Variants in ARFGAP3 observed in about 807,000 individuals in gnomAD.
ARFGAP3 encodes ARF GTPase activating protein 3, also known as ADP-ribosylation factor GTPase-activating protein 3.
Under a neutral mutation model 75.0 loss-of-function variants are expected in ARFGAP3, and 72 were observed. That is an observed-to-expected ratio of 0.96 (90% CI 0.79 to 1.17). The LOEUF (loss-of-function observed/expected upper bound fraction) is 1.17. Ranked by LOEUF, ARFGAP3 falls within the 50% of genes most tolerant of loss-of-function variation. ARFGAP3 has a pLI of 0.00. For missense variants in ARFGAP3, 620 were observed against 626.6 expected (o/e 0.99, Z 0.11); for synonymous variants, 221 against 217.9 (o/e 1.01, Z -0.13).
In ARFGAP3 at chr22:42,817,736, A is replaced by G; in HGVS notation, c.934T>C (p.Cys312Arg). The G allele has an allele frequency of 6.2e-7, 1 of 1,612,082 alleles. No homozygotes were observed. Among genetic ancestry groups the G allele is most frequent in the East Asian group, 2.2e-5 (1 of 44,780 alleles). ...SDRLGMGFGN[C>R]RSVISHSVTS... ...GAAAGCAGTCTCACATACCTTCTGC[A>G]ATTTCCAAATCCCATGCCGAGTCTG... is the stretch of plus-strand genomic sequence containing the variant. Residue 312 changes from cysteine (C) to arginine (R), a missense_variant, in exon 10 of 16, where the codon TGC becomes CGC. Physicochemically the swap from Cys to Arg is radical, Grantham distance 180. Transcript: ENST00000263245.
chr22:42,840,343 A>G (rs1926724200), intron 3 of ARFGAP3, among the ~76,000 whole-genome samples: 1 of 152,050 alleles, frequency 6.6e-6, no homozygotes, highest in African/African-American at 2.4e-5. Flanking sequence ...GGTCTGTCCA[A>G]CTCCAAAACC....
chr22:42,801,138 G>A (rs1454138578), intron 14 of ARFGAP3, among the ~76,000 whole-genome samples: 1 of 152,200 alleles, frequency 6.6e-6, no homozygotes, highest in Non-Finnish European at 1.5e-5. Context: ...CTGAGCATGA[G>A]GAGGCGGCAG....
At chr22:42,826,861 G>A in intron 7 of ARFGAP3, 79 bp downstream of exon 7, 1 of 1,300,842 alleles carries the variant, frequency 7.7e-7, no homozygotes, top group South Asian at 1.3e-5. Context: ...GAGATGCCCA[G>A]GCCAAATGCA....
At chr22:42,803,769 G>T (rs549436771) in intron 14 of ARFGAP3, among the ~76,000 whole-genome samples, 1 of 152,176 alleles carries the variant, frequency 6.6e-6, no homozygotes, top group Middle Eastern at 3.2e-3. Context: ...AAGAACGGCC[G>T]CAGGTCTCCT....
At chr22:42,855,674 C>T (rs560508677) in intron 1 of ARFGAP3, among the ~76,000 whole-genome samples, 4 of 149,854 alleles carry the variant, frequency 2.7e-5, no homozygotes, top group Non-Finnish European at 5.9e-5. Flanking sequence ...CAGAGCAAGG[C>T]TCTGTCTCAA....
chr22:42,831,820 T>A, intron 5 of ARFGAP3, 184 bp from the exon 6 acceptor site: 16 of 875,848 alleles, frequency 1.8e-5, no homozygotes, highest in Non-Finnish European at 2.2e-5. Flanking sequence ...TCTTGCTCTG[T>A]TGCCCAGGCT....
At chr22:42,837,716 T>A in intron 3 of ARFGAP3, among the ~76,000 whole-genome samples, 1 of 136,016 alleles carries the variant, frequency 7.4e-6, no homozygotes, top group South Asian at 2.4e-4. Context: ...CTTGCTTGAT[T>A]ACCCAGGCTG....
intron 1 of ARFGAP3, among the ~76,000 whole-genome samples, chr22:42,851,561 T>C (rs1409505701): frequency 1.3e-5 from 2 of 152,080 alleles, no homozygotes; most frequent in South Asian, 2.1e-4. Context: ...TTTATAGGGG[T>C]AGAGGAGCTA....
At chr22:42,812,980 C>A (rs935222366) in intron 11 of ARFGAP3, among the ~76,000 whole-genome samples, 25 of 152,348 alleles carry the variant, frequency 1.6e-4, no homozygotes, top group African/African-American at 5.3e-4. Flanking sequence ...GATCAGGACA[C>A]TGAAGGAACC....
intron 3 of ARFGAP3, among the ~76,000 whole-genome samples, chr22:42,836,031 G>A (rs1444092109): frequency 1.5e-5 from 2 of 130,460 alleles, no homozygotes; most frequent in Admixed American, 9.0e-5. Flanking sequence ...TACCCAGGCT[G>A]CAATGCAGTG....
chr22:42,804,048 T>A (rs1925003585), intron 14 of ARFGAP3, among the ~76,000 whole-genome samples: 1 of 150,142 alleles, frequency 6.7e-6, no homozygotes, highest in Admixed American at 6.6e-5. Context: ...GGACTACAGG[T>A]GTGCACCACC....
chr22:42,809,278 G>A (rs912037239), intron 12 of ARFGAP3, among the ~76,000 whole-genome samples: 8 of 152,274 alleles, frequency 5.3e-5, no homozygotes, highest in Admixed American at 6.5e-5. Context: ...CAACATATTA[G>A]TAGTACCCCC....
intron 3 of ARFGAP3, among the ~76,000 whole-genome samples, chr22:42,838,655 C>T (rs1299858767): frequency 2.0e-5 from 3 of 149,690 alleles, no homozygotes; most frequent in Admixed American, 6.6e-5. Context: ...ATATAAGAAA[C>T]GCCTAAAGGA....
chr22:42,841,545 T>C (rs1299852208), intron 2 of ARFGAP3, among the ~76,000 whole-genome samples: 1 of 152,198 alleles, frequency 6.6e-6, no homozygotes, highest in African/African-American at 2.4e-5. Context: ...CCACACCTTA[T>C]GCCTAACTTC....
intron 6 of ARFGAP3, 96 bp from the exon 7 acceptor site, chr22:42,827,095 A>T: frequency 7.3e-7 from 1 of 1,371,430 alleles, no homozygotes; most frequent in Non-Finnish European, 9.6e-7. Flanking sequence ...GCTACATCTT[A>T]TCCAATTTTG....
At chr22:42,805,328 C>T (rs1379469462) in intron 14 of ARFGAP3, among the ~76,000 whole-genome samples, 1 of 152,128 alleles carries the variant, frequency 6.6e-6, no homozygotes, top group East Asian at 1.9e-4. Flanking sequence ...TTTAAAAAAA[C>T]AAACAGTGCT....
rs758064099 is a variant in ARFGAP3 at position 42,799,163 on chromosome 22, G to GCA, written c.1412-5_1412-4dup. On this transcript the variant is annotated splice_polypyrimidine_tract_variant and splice_region_variant and intron_variant, in intron 14 of 15. Coordinates refer to ENST00000263245, the MANE Select transcript of ARFGAP3 (RefSeq NM_014570.5). ...CACACTGGACAGGCTGTAGTTCCCT[G>GCA]CACACACACAGCAGACACTGTCTCA... 17 of 1,613,676 alleles carry GCA rather than the reference G, an allele frequency of 1.1e-5. 1 individual carries two copies. Among genetic ancestry groups the GCA allele is most frequent in the African/African-American group, 2.7e-5 (2 of 74,896 alleles).
intron 11 of ARFGAP3, among the ~76,000 whole-genome samples, chr22:42,814,193 A>G (rs1195802795): frequency 3.3e-5 from 5 of 152,254 alleles, no homozygotes; most frequent in Non-Finnish European, 7.3e-5. Context: ...TTTTAACAGA[A>G]ACAGAACTCT....
chr22:42,814,431 T>G (rs904065321), intron 11 of ARFGAP3, among the ~76,000 whole-genome samples: 1 of 152,232 alleles, frequency 6.6e-6, no homozygotes, highest in African/African-American at 2.4e-5. Context: ...TGATAAACAA[T>G]ACACCAAGGT....
Sources: gnomAD v4.1 joint callset for allele counts (sites outside exome capture counted in the v4.1 genomes callset) on GRCh38, gnomAD v4.1.1 for gene constraint, MANE v1.5 for transcripts, NCBI Gene and HGNC (gene_info 2026-07-23, HGNC 2026-07-21) for gene names.